Variants in PGGT1B observed in about 807,000 individuals in gnomAD.
The protein encoded by PGGT1B is protein geranylgeranyltransferase type I subunit beta.
Under a neutral mutation model 46.1 loss-of-function variants are expected in PGGT1B, and 30 were observed. The ratio of observed to expected loss-of-function variants is 0.65; its 90% CI spans 0.49 to 0.88. The LOEUF is 0.88. Ranked by LOEUF, PGGT1B falls within the 40% of genes least tolerant of loss-of-function variation. PGGT1B has a pLI of 0.00. For synonymous variants in PGGT1B, 170 were observed against 160.0 expected (o/e 1.06, Z -0.47); for missense variants, 376 against 455.9 (o/e 0.82, Z 1.60).
At chr5:115,258,923 C>A (rs749536469) in intron 1 of PGGT1B, among the ~76,000 whole-genome samples, 1 of 152,300 alleles carries the variant, frequency 6.6e-6, no homozygotes, top group Admixed American at 6.5e-5. Flanking sequence ...GCAGCTCTTT[C>A]GCCTACCATT....
At chr5:115,245,570 T>C (rs1561482692) in intron 2 of PGGT1B, among the ~76,000 whole-genome samples, 1 of 152,254 alleles carries the variant, frequency 6.6e-6, no homozygotes, top group Non-Finnish European at 1.5e-5. Context: ...TTAAAGGACA[T>C]GTTTAGATTG....
intron 2 of PGGT1B, among the ~76,000 whole-genome samples, chr5:115,243,155 C>CT (rs1757400195): frequency 1.3e-5 from 2 of 152,018 alleles, no homozygotes; most frequent in African/African-American, 4.8e-5. Context: ...TGGTAAGCTA[C>CT]TTAAAACTTG....
At chr5:115,253,612 T>C (rs1018533538) in intron 1 of PGGT1B, among the ~76,000 whole-genome samples, 1 of 151,992 alleles carries the variant, frequency 6.6e-6, no homozygotes, top group African/African-American at 2.4e-5. Flanking sequence ...TAGAAATATG[T>C]GAAAATGTCA....
Position 115,212,245 on chromosome 5 carries a change from A to T in PGGT1B, c.*157T>A. The T allele has an allele frequency of 7.4e-7, 1 of 1,346,370 alleles. No homozygotes were observed. Among genetic ancestry groups the T allele is most frequent in the Non-Finnish European group, 9.8e-7 (1 of 1,016,106 alleles). 83.4% of individuals were successfully genotyped at this position (1,346,370 alleles called of 1,614,324 possible). On this transcript the variant is annotated 3_prime_UTR_variant, in exon 9 of 9. Transcript: ENST00000419445. ...GATTTTCTTGAAACCCAGTATAAAG[A>T]TTACTGGCTCAAGACCATATCCCAA...
chr5:115,214,960 T>A (rs1756367981), intron 8 of PGGT1B, among the ~76,000 whole-genome samples: 1 of 152,232 alleles, frequency 6.6e-6, no homozygotes, highest in African/African-American at 2.4e-5. Context: ...GCTTACGACT[T>A]TGAAAGCAAT....
chr5:115,225,418 T>A (rs1756740831), intron 6 of PGGT1B, among the ~76,000 whole-genome samples: 1 of 152,210 alleles, frequency 6.6e-6, no homozygotes, highest in Non-Finnish European at 1.5e-5. Flanking sequence ...TATGATCTAC[T>A]TATATTTTAA....
Position 115,262,742 on chromosome 5 carries a change from G to A in PGGT1B, c.110C>T (p.Pro37Leu), listed in dbSNP as rs1391461648. 1 of 1,612,566 alleles carries A rather than the reference G, an allele frequency of 6.2e-7. No individual in the cohort carries two copies. Among genetic ancestry groups the A allele is most frequent in the Non-Finnish European group, 8.5e-7 (1 of 1,179,270 alleles). The change falls in exon 1 of 9, where the codon CCG (proline) becomes CTG (leucine). Residue 37 changes from proline to leucine, a missense_variant. By Grantham distance (98) the Pro-to-Leu change is moderately conservative. Transcript: ENST00000419445. ...RFFQRCLQVLPERYSSLETSR... is the reference protein window; with the variant it reads ...RFFQRCLQVLLERYSSLETSR... The stretch of plus-strand genomic sequence containing the variant: ...TGTCTCGAGTGAAGAATAGCGCTCC[G>A]GCAAAACCTGGAGGCAGCGCTGGAA...
At chr5:115,218,227 T>C (rs1329076128) in intron 7 of PGGT1B, among the ~76,000 whole-genome samples, 2 of 151,660 alleles carry the variant, frequency 1.3e-5, no homozygotes, top group Admixed American at 1.3e-4. Context: ...GTCTGTGATT[T>C]AAAGTTATGG....
intron 7 of PGGT1B, among the ~76,000 whole-genome samples, chr5:115,218,221 G>A (rs927981968): frequency 1.3e-5 from 2 of 151,586 alleles, no homozygotes; most frequent in African/African-American, 4.8e-5. Context: ...AAGTCAGTCT[G>A]TGATTTAAAG....
chr5:115,233,750 C>T (rs544346042), intron 5 of PGGT1B, among the ~76,000 whole-genome samples: 1 of 151,794 alleles, frequency 6.6e-6, no homozygotes, highest in Admixed American at 6.6e-5. Flanking sequence ...TATCACTTTT[C>T]GACTACCAGA....
chr5:115,254,471 G>A (rs1403622773), intron 1 of PGGT1B, among the ~76,000 whole-genome samples: 1 of 151,920 alleles, frequency 6.6e-6, no homozygotes, highest in East Asian at 1.9e-4. Context: ...ACTTATGTGT[G>A]GAATTTTTCA....
intron 1 of PGGT1B, among the ~76,000 whole-genome samples, chr5:115,260,128 C>T (rs1039513550): frequency 3.3e-5 from 5 of 152,094 alleles, no homozygotes; most frequent in Admixed American, 6.5e-5. Flanking sequence ...CTGATGAAAC[C>T]GCAGACAATA....
chr5:115,232,089 G>A (rs1021206454), intron 5 of PGGT1B, among the ~76,000 whole-genome samples: 2 of 151,942 alleles, frequency 1.3e-5, no homozygotes, highest in Non-Finnish European at 2.9e-5. Context: ...ACAGAAAGAG[G>A]GGCTTGGCCA....
intron 6 of PGGT1B, among the ~76,000 whole-genome samples, chr5:115,227,651 G>C (rs1192245760): frequency 6.6e-6 from 1 of 152,176 alleles, no homozygotes; most frequent in Admixed American, 6.6e-5. Context: ...AGACTTGTCA[G>C]TGATTTTCCC....
At chr5:115,257,678 G>A (rs1035202629) in intron 1 of PGGT1B, among the ~76,000 whole-genome samples, 3 of 152,058 alleles carry the variant, frequency 2.0e-5, no homozygotes, top group Non-Finnish European at 2.9e-5. Flanking sequence ...CCCTTGTCCT[G>A]ACCCTTTCTG....
chr5:115,214,984 A>G (rs1756368473), intron 8 of PGGT1B, among the ~76,000 whole-genome samples: 1 of 152,176 alleles, frequency 6.6e-6, no homozygotes, highest in Admixed American at 6.5e-5. Context: ...CACTTTCTCT[A>G]AGAAGACATG....
At chr5:115,234,899 T>A (rs1416715640) in intron 5 of PGGT1B, among the ~76,000 whole-genome samples, 3 of 152,108 alleles carry the variant, frequency 2.0e-5, no homozygotes, top group African/African-American at 7.2e-5. Flanking sequence ...GATGCCTATG[T>A]ACACATACAT....
At chr5:115,244,116 T>G (rs779449303) in intron 2 of PGGT1B, among the ~76,000 whole-genome samples, 4 of 152,166 alleles carry the variant, frequency 2.6e-5, no homozygotes, top group African/African-American at 9.7e-5. Context: ...GTACCCAGAT[T>G]AGTATTTGAC....
intron 3 of PGGT1B, among the ~76,000 whole-genome samples, chr5:115,240,088 C>G (rs1367993146): frequency 6.6e-6 from 1 of 152,066 alleles, no homozygotes; most frequent in African/African-American, 2.4e-5. Context: ...CTATGTGATA[C>G]CACTTGGAAT....
Sources: allele counts gnomAD v4.1 joint callset (sites outside exome capture counted in the v4.1 genomes callset), GRCh38; gene constraint gnomAD v4.1.1; transcripts MANE v1.5; gene names NCBI Gene and HGNC (gene_info 2026-07-23, HGNC 2026-07-21).